Variants in LRTM1 observed in about 807,000 individuals in gnomAD.
The protein encoded by LRTM1 is leucine-rich repeat and transmembrane domain-containing protein 1.
In LRTM1, 38 loss-of-function variants were observed where a neutral mutation model predicts 32.4. That is an observed-to-expected ratio of 1.17 (90% CI 0.91 to 1.54). The LOEUF (loss-of-function observed/expected upper bound fraction) is 1.54. Ranked by LOEUF, LRTM1 falls within the 40% of genes most tolerant of loss-of-function variation. The pLI is 0.00. For synonymous variants in LRTM1, 186 were observed against 169.9 expected (o/e 1.09, Z -0.74); for missense variants, 466 against 415.4 (o/e 1.12, Z -1.06).
At position 54,918,333 on chromosome 3, in the gene LRTM1, T is replaced by C. The variant is rs1700718063; in HGVS notation, c.*126A>G. ...TTTACAGACACATCTTTTTTTTTTC[T>C]TTTTTTTTTTTTTTTTTTTTTTGTC... is the stretch of plus-strand genomic sequence containing the variant. On this transcript the variant is annotated 3_prime_UTR_variant, in exon 3 of 3. Coordinates refer to ENST00000273286, the MANE Select transcript of LRTM1 (RefSeq NM_020678.4). 1.3e-5 allele frequency: 1 copy of C among 76,670 alleles called. No homozygotes were observed. The allele number at this position is 76,670 out of a possible 1,614,324, so 4.7% of individuals were successfully genotyped here. A position where few individuals can be genotyped will look rare whatever the true frequency, so the allele number is the denominator to read the frequency against.
At position 54,927,980 on chromosome 3, in the gene LRTM1, A is replaced by G. The variant is rs9825651; in HGVS notation, c.-69T>C. On this transcript the variant is annotated 5_prime_UTR_variant, in exon 1 of 3. Transcript: ENST00000273286. ...TAATTAATGTGCAGAGCAACACACG[A>G]AGGGCATGGCAGACTCAGAGCCCAG... The G allele has an allele frequency of 0.011, 16,179 of 1,483,134 alleles. 1,377 individuals carry two copies. The African/African-American group carries it at 0.19, about 17-fold the overall frequency. 91.9% of individuals were successfully genotyped at this position (1,483,134 alleles called of 1,614,324 possible).
At chr3:54,946,465 G>A (rs1157990450) in intron 1 of LRTM1, among the ~76,000 whole-genome samples, 1 of 152,178 alleles carries the variant, frequency 6.6e-6, no homozygotes, top group Non-Finnish European at 1.5e-5. Context: ...AGAGAATATA[G>A]AGAGGGGAAG....
Position 54,925,235 on chromosome 3 carries a change from A to G in LRTM1, c.8-20T>C, listed in dbSNP as rs895360521. 1 of 1,592,218 alleles carries G rather than the reference A, an allele frequency of 6.3e-7. No homozygotes were observed. The highest frequency in any genetic ancestry group is 8.6e-7 in the Non-Finnish European group (1 of 1,163,390). On this transcript the variant is annotated intron_variant, in intron 1 of 2. Transcript: ENST00000273286. ...GTTCACCTACAACAAACAGAAAGAA[A>G]TTGGGATAGGAACCAGTTTGTGAGG...
chr3:54,928,566 G>A (rs1701095582), upstream of LRTM1, among the ~76,000 whole-genome samples: 1 of 152,170 alleles, frequency 6.6e-6, no homozygotes, highest in Non-Finnish European at 1.5e-5. Flanking sequence ...CATCTGTGGG[G>A]ATTAGCTGTG....
intron 1 of LRTM1, among the ~76,000 whole-genome samples, chr3:54,940,849 A>G (rs776748173): frequency 2.0e-5 from 3 of 152,190 alleles, no homozygotes; most frequent in Non-Finnish European, 4.4e-5. Flanking sequence ...TTTATGGACA[A>G]TGAGTTCACC....
At chr3:54,945,882 G>A (rs532363611) in intron 1 of LRTM1, among the ~76,000 whole-genome samples, 16 of 152,302 alleles carry the variant, frequency 1.1e-4, no homozygotes, top group South Asian at 2.1e-4. Flanking sequence ...AATGCCAGGC[G>A]TAGGTAGGGT....
rs181797484 is a variant in LRTM1 at position 54,933,532 on chromosome 3, A to G, written c.-221-8317T>C. Reference sequence around the variant, plus strand: ...ACATGACCATGTCTAACAGCAAGAGATGCTGGGAAATGTTGTCTAGCAGTG... The same window carrying G: ...ACATGACCATGTCTAACAGCAAGAGGTGCTGGGAAATGTTGTCTAGCAGTG... On this transcript the variant is annotated intron_variant, in intron 1 of 2. Transcript: ENST00000493075. Among the ~76,000 whole-genome samples, 275 of 152,330 alleles carry G rather than the reference A, an allele frequency of 1.8e-3. 1 individual carries two copies. The highest frequency in any genetic ancestry group is 6.3e-3 in the African/African-American group (262 of 41,574).
intron 1 of LRTM1, among the ~76,000 whole-genome samples, chr3:54,940,521 G>A (rs1235141850): frequency 1.3e-5 from 2 of 152,098 alleles, no homozygotes; most frequent in Admixed American, 6.5e-5. Flanking sequence ...TGCTGTCAGG[G>A]TGAACTCTGA....
chr3:54,922,887 G>A (rs542076701), intron 2 of LRTM1, among the ~76,000 whole-genome samples: 1 of 152,022 alleles, frequency 6.6e-6, no homozygotes, highest in Non-Finnish European at 1.5e-5. Flanking sequence ...TACCACTGCA[G>A]GACAAATCAA....
chr3:54,954,148 A>G (rs1235077704), intron 1 of LRTM1, among the ~76,000 whole-genome samples: 3 of 152,204 alleles, frequency 2.0e-5, no homozygotes, highest in African/African-American at 4.8e-5. Flanking sequence ...GTCATCATGC[A>G]GGCATTTCCT....
chr3:54,945,475 C>T (rs1364406861), intron 1 of LRTM1, among the ~76,000 whole-genome samples: 2 of 152,186 alleles, frequency 1.3e-5, no homozygotes, highest in Non-Finnish European at 2.9e-5. Context: ...ATGAGTGTCT[C>T]CAGAGCAAGA....
In LRTM1 at chr3:54,925,141, G is replaced by A; in HGVS notation, c.82C>T (p.Gln28Ter). The change falls in exon 2 of 3, where the codon CAG becomes TAG. Residue 28 changes from glutamine to a stop codon, truncating the protein, a stop_gained. Transcript: ENST00000273286. LOFTEE classifies it high-confidence loss of function. ...CAGTCTACAAAATTTGTAGATGACT[G>A]ACAGTAACACTTGTCCGGGCAGCTG... Reference protein sequence around the residue: ...VCSCPDKCYCQSSTNFVDCSQ... With the variant: ...VCSCPDKCYC The A allele has an allele frequency of 6.2e-7, 1 of 1,614,076 alleles. No homozygotes were observed. The highest frequency in any genetic ancestry group is 8.5e-7 in the Non-Finnish European group (1 of 1,180,006).
At chr3:54,919,126 A>G (rs559181817) in intron 2 of LRTM1, among the ~76,000 whole-genome samples, 6 of 152,220 alleles carry the variant, frequency 3.9e-5, no homozygotes, top group African/African-American at 1.4e-4. Flanking sequence ...AGAATTCATT[A>G]GAAGCCCAGT....
At chr3:54,961,172 A>C (rs1041274440) in intron 1 of LRTM1, among the ~76,000 whole-genome samples, 1 of 152,246 alleles carries the variant, frequency 6.6e-6, no homozygotes, top group Non-Finnish European at 1.5e-5. Context: ...CCTTGTTACT[A>C]TCACTGCTAG....
chr3:54,963,792 A>G (rs1702085049), intron 1 of LRTM1, among the ~76,000 whole-genome samples: 1 of 152,162 alleles, frequency 6.6e-6, no homozygotes, highest in African/African-American at 2.4e-5. Context: ...CTTTTTCTCA[A>G]TACACCTATC....
intron 1 of LRTM1, among the ~76,000 whole-genome samples, chr3:54,937,766 T>G (rs1485580758): frequency 6.6e-6 from 1 of 151,794 alleles, no homozygotes; most frequent in Non-Finnish European, 1.5e-5. Flanking sequence ...ATGGCATGTG[T>G]TACGCTGAGA....
chr3:54,927,594 T>C (rs1701059857), intron 1 of LRTM1, among the ~76,000 whole-genome samples: 1 of 152,132 alleles, frequency 6.6e-6, no homozygotes, highest in African/African-American at 2.4e-5. Context: ...GTTCATTCTT[T>C]CTTTGGTTCC....
chr3:54,935,084 T>C (rs1701296600), intron 1 of LRTM1, among the ~76,000 whole-genome samples: 2 of 152,184 alleles, frequency 1.3e-5, no homozygotes, highest in Admixed American at 1.3e-4. Flanking sequence ...GAACCTGTTT[T>C]CCATGAGAAG....
intron 1 of LRTM1, among the ~76,000 whole-genome samples, chr3:54,950,281 C>A (rs989632733): frequency 6.6e-6 from 1 of 152,156 alleles, no homozygotes; most frequent in East Asian, 1.9e-4. Flanking sequence ...CCCAAATGAA[C>A]GTAGATGTTA....
Sources: gnomAD v4.1 joint callset for allele counts (sites outside exome capture counted in the v4.1 genomes callset) on GRCh38, gnomAD v4.1.1 for gene constraint, MANE v1.5 for transcripts, NCBI Gene and HGNC (gene_info 2026-07-23, HGNC 2026-07-21) for gene names.